Variants in MROH2B observed in about 807,000 individuals in gnomAD.
The protein encoded by MROH2B is maestro heat like repeat family member 2B, also known as maestro heat-like repeat-containing protein family member 2B.
A neutral mutation model predicts 208.6 loss-of-function variants in MROH2B; 177 were observed. The observed-to-expected ratio is 0.85, with a 90% CI of 0.75 to 0.96. MROH2B has a LOEUF of 0.96. Among genes scored for constraint, MROH2B ranks in the 40% least tolerant of loss-of-function variants. The pLI is 0.00. For synonymous variants in MROH2B, 728 were observed against 659.0 expected, an observed-to-expected ratio of 1.10 and a Z score of -1.60; for missense variants, 2,002 against 1,878.7, an observed-to-expected ratio of 1.07 and a Z score of -1.21.
At position 41,007,405 on chromosome 5, in the gene MROH2B, C is replaced by T. The variant is rs1741631452; in HGVS notation, c.3658G>A (p.Gly1220Ser). ...CCCTCATCAGATTCCTTTGCAAGGC[C>T]TTCTCTCATGGCTTGGGCTTGCAAA... is the stretch of plus-strand genomic sequence containing the variant. ...KCLQAQAMRE[G>S]LAKESDEGDN... The change falls in exon 34 of 42, where the codon GGC becomes AGC. Residue 1220 changes from glycine (G) to serine (S), a missense_variant. Coordinates refer to ENST00000399564, the MANE Select transcript of MROH2B (RefSeq NM_173489.5). 1.3e-6 allele frequency: 2 copies of T among 1,570,560 alleles called. No homozygotes were observed. The highest frequency in any genetic ancestry group is 1.9e-5 in the Admixed American group (1 of 53,638).
At chr5:41,005,412 A>AAGCCC in intron 35 of MROH2B, 119 bp downstream of exon 35, 1 of 191,424 alleles carries the variant, frequency 5.2e-6, no homozygotes, top group Non-Finnish European at 1.0e-5. Context: ...TCCTCTATGA[A>AAGCCC]ACCCCCCCCC....
chr5:41,023,756 G>A (rs900240595), intron 24 of MROH2B, among the ~76,000 whole-genome samples: 2 of 152,088 alleles, frequency 1.3e-5, no homozygotes, highest in African/African-American at 4.8e-5. Flanking sequence ...TTGAAATGAA[G>A]GAAAAAATGT....
intron 41 of MROH2B, among the ~76,000 whole-genome samples, chr5:40,998,406 C>T (rs1194140414): frequency 6.6e-6 from 1 of 152,186 alleles, no homozygotes; most frequent in African/African-American, 2.4e-5. Flanking sequence ...AAATCGTAGT[C>T]TATTGGTGTT....
At chr5:41,015,806 C>T (rs767806347) in intron 28 of MROH2B, among the ~76,000 whole-genome samples, 6 of 152,182 alleles carry the variant, frequency 3.9e-5, no homozygotes, top group Admixed American at 3.9e-4. Flanking sequence ...AATTTCAACC[C>T]TGGTCTGTCT....
intron 24 of MROH2B, among the ~76,000 whole-genome samples, chr5:41,029,913 A>G (rs1271202858): frequency 1.3e-5 from 2 of 152,092 alleles, no homozygotes; most frequent in Non-Finnish European, 2.9e-5. Flanking sequence ...AGCATCATGC[A>G]ATATACAAAC....
intron 3 of MROH2B, 137 bp from the exon 4 acceptor site, chr5:41,065,627 G>C (rs62360762): frequency 0.2 from 135,446 of 689,606 alleles, 16,596 homozygotes; most frequent in Non-Finnish European, 0.24. Flanking sequence ...TACATGTGCA[G>C]GTTGGTCACA....
chr5:41,029,751 A>G (rs1393665958), intron 24 of MROH2B, among the ~76,000 whole-genome samples: 1 of 152,130 alleles, frequency 6.6e-6, no homozygotes, highest in Non-Finnish European at 1.5e-5. Context: ...AAAAGTAAAA[A>G]TAGACAAATG....
At chr5:41,050,755 T>A (rs1743260021) in intron 13 of MROH2B, among the ~76,000 whole-genome samples, 1 of 152,158 alleles carries the variant, frequency 6.6e-6, no homozygotes. Flanking sequence ...ATATAAATTG[T>A]CATGAACTAT....
intron 13 of MROH2B, 85 bp downstream of exon 13, chr5:41,050,892 A>G: frequency 1.1e-6 from 1 of 890,230 alleles, no homozygotes; most frequent in East Asian, 2.9e-5. Flanking sequence ...CAAATGGAGA[A>G]CAAACTCATG....
At chr5:41,012,009 A>G (rs991281285) in intron 30 of MROH2B, among the ~76,000 whole-genome samples, 1 of 152,164 alleles carries the variant, frequency 6.6e-6, no homozygotes, top group African/African-American at 2.4e-5. Context: ...CTTGTATTCT[A>G]TTTTTGACTT....
intron 28 of MROH2B, 81 bp downstream of exon 28, chr5:41,017,767 CAT>C: frequency 4.9e-6 from 7 of 1,442,236 alleles, no homozygotes; most frequent in African/African-American, 1.4e-5. Flanking sequence ...GGGAGAGAGA[CAT>C]AGGTGCATAA....
At chr5:41,017,482 C>A (rs1404804824) in intron 28 of MROH2B, among the ~76,000 whole-genome samples, 4 of 152,160 alleles carry the variant, frequency 2.6e-5, no homozygotes, top group Admixed American at 6.5e-5. Context: ...ACTCTCAAAA[C>A]ATTTTACCTA....
chr5:41,024,711 C>T (rs1427322415), intron 24 of MROH2B, among the ~76,000 whole-genome samples: 2 of 152,192 alleles, frequency 1.3e-5, no homozygotes, highest in African/African-American at 4.8e-5. Context: ...GAACTCTCCA[C>T]CCCAAATCAA....
chr5:41,034,362 C>T (rs373989164), intron 21 of MROH2B, among the ~76,000 whole-genome samples: 2 of 152,112 alleles, frequency 1.3e-5, no homozygotes, highest in East Asian at 3.9e-4. Flanking sequence ...ATGCTGAATT[C>T]ACATTTGCTT....
intron 37 of MROH2B, among the ~76,000 whole-genome samples, chr5:41,002,079 G>A (rs7725618): frequency 0.45 from 68,937 of 151,858 alleles, 15,920 homozygotes; most frequent in African/African-American, 0.52. Flanking sequence ...TTAGGAATAA[G>A]GTCAGGATAC....
At position 41,065,402 on chromosome 5, in the gene MROH2B, C is replaced by T; in HGVS notation, c.290G>A (p.Ser97Asn). ...DFNSVMYEVQ[S>N]NFRILELPDE... is the part of the protein sequence containing the mutation. The stretch of plus-strand genomic sequence containing the variant: ...TGGTAGCTCTAAGATCCTGAAGTTA[C>T]TTTGTACTTCATACATCACAGAGTT... The change falls in exon 4 of 42, where the codon AGT becomes AAT. Residue 97 changes from serine (S) to asparagine (N), a missense_variant. Ser to Asn is a conservative substitution (Grantham distance 46). Transcript: ENST00000399564. 6.2e-7 allele frequency: 1 copy of T among 1,613,516 alleles called. No homozygotes were observed. Among genetic ancestry groups the T allele is most frequent in the South Asian group, 1.1e-5 (1 of 91,034 alleles).
intron 17 of MROH2B, among the ~76,000 whole-genome samples, chr5:41,047,187 C>G (rs951834577): frequency 1.3e-5 from 2 of 152,140 alleles, no homozygotes; most frequent in African/African-American, 2.4e-5. Flanking sequence ...TTAACTATTT[C>G]TGGGATTTGG....
chr5:41,030,074 A>C (rs1197788318), intron 24 of MROH2B, among the ~76,000 whole-genome samples: 1 of 150,332 alleles, frequency 6.7e-6, no homozygotes, highest in Non-Finnish European at 1.5e-5. Flanking sequence ...TAAGAGGTTA[A>C]TGTCCAGAAT....
chr5:41,032,737 T>C lies in MROH2B; in HGVS notation c.2441+5A>G, dbSNP rs1338712418. 6.2e-7 allele frequency: 1 copy of C among 1,609,976 alleles called. No homozygotes were observed. The highest frequency in any genetic ancestry group is 8.5e-7 in the Non-Finnish European group (1 of 1,177,432). The stretch of plus-strand genomic sequence containing the variant: ...TTTCAATGAAAACAACTAAAAATTA[T>C]CTACCTGAGATACCTAATGGCGATT... On this transcript the variant is annotated splice_donor_5th_base_variant and intron_variant, in intron 24 of 41. Transcript: ENST00000399564.
Sources: allele counts gnomAD v4.1 joint callset (sites outside exome capture counted in the v4.1 genomes callset), GRCh38; gene constraint gnomAD v4.1.1; transcripts MANE v1.5; gene names NCBI Gene and HGNC (gene_info 2026-07-23, HGNC 2026-07-21).